Variants in SEMA3A observed in about 807,000 individuals in gnomAD.
The protein encoded by SEMA3A is semaphorin 3A.
Under a neutral mutation model 97.9 loss-of-function variants are expected in SEMA3A, and 29 were observed. The ratio of observed to expected loss-of-function variants is 0.30; its 90% CI spans 0.22 to 0.40. SEMA3A has a LOEUF of 0.40. Among genes scored for constraint, SEMA3A ranks in the 10% least tolerant of loss-of-function variants. The pLI is 1.00. For missense variants in SEMA3A, 763 were observed against 951.3 expected (o/e 0.80, Z 2.60); for synonymous variants, 321 against 323.7 (o/e 0.99, Z 0.09).
intron 1 of SEMA3A, among the ~76,000 whole-genome samples, chr7:84,385,201 T>C (rs1803367757): frequency 6.6e-6 from 1 of 152,108 alleles, no homozygotes; most frequent in South Asian, 2.1e-4. Context: ...GTTTTGGTTC[T>C]AGCAAGGAGG....
chr7:83,972,945 C>T, intron 15 of SEMA3A, among the ~76,000 whole-genome samples: 1 of 152,208 alleles, frequency 6.6e-6, no homozygotes, highest in Non-Finnish European at 1.5e-5. Flanking sequence ...TTATAAAAAT[C>T]ATAGAAGTTA....
chr7:84,026,550 G>GT (rs1791551335), intron 6 of SEMA3A, among the ~76,000 whole-genome samples: 2 of 152,114 alleles, frequency 1.3e-5, no homozygotes, highest in South Asian at 2.1e-4. Flanking sequence ...GCACATGAAT[G>GT]TTTTTTGTAG....
At chr7:84,336,083 T>C (rs575187292) in intron 2 of SEMA3A, among the ~76,000 whole-genome samples, 1 of 152,226 alleles carries the variant, frequency 6.6e-6, no homozygotes, top group African/African-American at 2.4e-5. Flanking sequence ...ATGATCTTCT[T>C]TAAAAAATAT....
intron 3 of SEMA3A, among the ~76,000 whole-genome samples, chr7:84,234,237 A>C (rs1241951859): frequency 1.3e-5 from 2 of 151,870 alleles, no homozygotes; most frequent in Non-Finnish European, 1.5e-5. Context: ...CTACAACCTA[A>C]TCTTTTCCTA....
chr7:83,988,410 G>A (rs1789730306), intron 12 of SEMA3A, among the ~76,000 whole-genome samples: 1 of 151,882 alleles, frequency 6.6e-6, no homozygotes, highest in Non-Finnish European at 1.5e-5. Flanking sequence ...TGTATTTTTA[G>A]TAGAGATGGG....
intron 3 of SEMA3A, among the ~76,000 whole-genome samples, chr7:84,237,555 G>A (rs1369980283): frequency 6.6e-6 from 1 of 152,062 alleles, no homozygotes; most frequent in Non-Finnish European, 1.5e-5. Flanking sequence ...TTTCTAAGTG[G>A]TTTACATTAT....
At chr7:84,358,236 C>T (rs1251363063) in intron 2 of SEMA3A, among the ~76,000 whole-genome samples, 1 of 152,046 alleles carries the variant, frequency 6.6e-6, no homozygotes, top group Non-Finnish European at 1.5e-5. Flanking sequence ...AACGGTATTG[C>T]CTAGGTTTTC....
intron 3 of SEMA3A, among the ~76,000 whole-genome samples, chr7:84,111,896 T>C (rs1041814253): frequency 6.6e-6 from 1 of 152,114 alleles, no homozygotes; most frequent in South Asian, 2.1e-4. Flanking sequence ...TTCACTTAAA[T>C]AGGGTACCTC....
chr7:84,080,957 T>C (rs891736017), intron 4 of SEMA3A, among the ~76,000 whole-genome samples: 3 of 152,048 alleles, frequency 2.0e-5, no homozygotes, highest in South Asian at 2.1e-4. Context: ...TATTAACACA[T>C]ACAAAAATAT....
In SEMA3A at chr7:84,382,980, C is replaced by A. The variant is rs115733347; in HGVS notation, c.-245-11080G>T. Among the ~76,000 whole-genome samples the A allele has an allele frequency of 2.5e-3, 373 of 152,166 alleles. 1 individual carries two copies. Among genetic ancestry groups the A allele is most frequent in the African/African-American group, 8.6e-3 (358 of 41,522 alleles). On this transcript the variant is annotated intron_variant, in intron 1 of 3. Transcript: ENST00000424555. ...ATTCTAGATTACAATAAACATAATA[C>A]TGGATTTTTTCCCTTATAATAGGTA...
intron 3 of SEMA3A, among the ~76,000 whole-genome samples, chr7:84,208,245 G>A (rs1026956995): frequency 8.5e-5 from 13 of 152,112 alleles, no homozygotes; most frequent in Non-Finnish European, 1.5e-4. Context: ...GAGGTCAGGA[G>A]ATCGAGACCA....
At chr7:84,347,182 T>C (rs1802319522) in intron 2 of SEMA3A, among the ~76,000 whole-genome samples, 1 of 152,178 alleles carries the variant, frequency 6.6e-6, no homozygotes, top group Non-Finnish European at 1.5e-5. Context: ...ATCTCAGTGC[T>C]AGATATTTAT....
At chr7:84,458,409 A>G (rs1212549411) in intron 1 of SEMA3A, among the ~76,000 whole-genome samples, 4 of 152,068 alleles carry the variant, frequency 2.6e-5, no homozygotes, top group Non-Finnish European at 5.9e-5. Flanking sequence ...TTCAGAGAAA[A>G]AAATTATGTC....
intron 3 of SEMA3A, among the ~76,000 whole-genome samples, chr7:84,219,170 A>T (rs562348323): frequency 6.6e-6 from 1 of 152,204 alleles, no homozygotes; most frequent in South Asian, 2.1e-4. Flanking sequence ...AATTAAAAGG[A>T]CCTTTACTAA....
intron 12 of SEMA3A, among the ~76,000 whole-genome samples, chr7:83,996,425 C>T (rs1184694366): frequency 6.6e-6 from 1 of 151,618 alleles, no homozygotes; most frequent in Non-Finnish European, 1.5e-5. Flanking sequence ...GCCTCAGCCT[C>T]CTGAGTAGCT....
chr7:84,371,108 A>C (rs539131669), intron 2 of SEMA3A, among the ~76,000 whole-genome samples: 1 of 151,874 alleles, frequency 6.6e-6, no homozygotes, highest in Admixed American at 6.6e-5. Context: ...ACTGGGTCAC[A>C]TCAGTAGTTA....
intron 15 of SEMA3A, among the ~76,000 whole-genome samples, chr7:83,965,743 C>T (rs1410138936): frequency 6.9e-5 from 8 of 115,916 alleles, no homozygotes; most frequent in South Asian, 3.4e-4. Flanking sequence ...TTCAGTGGTG[C>T]GATCTCGGCT....
chr7:84,201,773 G>C (rs1798364514), intron 3 of SEMA3A, among the ~76,000 whole-genome samples: 1 of 152,042 alleles, frequency 6.6e-6, no homozygotes, highest in African/African-American at 2.4e-5. Flanking sequence ...CATCCAATAT[G>C]TCTAACTTTG....
intron 1 of SEMA3A, among the ~76,000 whole-genome samples, chr7:84,490,140 T>G (rs1207605789): frequency 6.7e-6 from 1 of 148,750 alleles, no homozygotes; most frequent in African/African-American, 2.5e-5. Flanking sequence ...AAATTATAAT[T>G]CCAGTAAAAA....
Sources: allele counts gnomAD v4.1 joint callset (sites outside exome capture counted in the v4.1 genomes callset), GRCh38; gene constraint gnomAD v4.1.1; transcripts MANE v1.5; gene names NCBI Gene and HGNC (gene_info 2026-07-23, HGNC 2026-07-21).